XKR6: variants seen among roughly 807,000 people sequenced by gnomAD.
XKR6 encodes XK related 6.
XKR6 carries 22 observed loss-of-function variants against 56.7 expected under a neutral mutation model. The ratio of observed to expected loss-of-function variants is 0.39; its 90% CI spans 0.28 to 0.55. The LOEUF is 0.55. Among genes scored for constraint, XKR6 ranks in the 20% least tolerant of loss-of-function variants. The pLI is 0.66. For synonymous variants in XKR6, 524 were observed against 387.8 expected, an observed-to-expected ratio of 1.35 and a Z score of -4.13; for missense variants, 852 against 889.0, an observed-to-expected ratio of 0.96 and a Z score of 0.53.
chr8:11,156,858 C>A (rs1402544013), intron 1 of XKR6, among the ~76,000 whole-genome samples: 1 of 152,124 alleles, frequency 6.6e-6, no homozygotes, highest in Non-Finnish European at 1.5e-5. Context: ...TACACACACA[C>A]ACAGAGTCCT....
chr8:10,917,007 C>T (rs571964853), intron 2 of XKR6, among the ~76,000 whole-genome samples: 49 of 151,472 alleles, frequency 3.2e-4, no homozygotes, highest in African/African-American at 1.0e-3. Flanking sequence ...GTTTGTTTAA[C>T]GGAAAATCAG....
Position 11,039,976 on chromosome 8 carries a change from G to A in XKR6, c.765-115146C>T, listed in dbSNP as rs116773095. Among the ~76,000 whole-genome samples, 511 of 152,248 alleles carry A rather than the reference G, an allele frequency of 3.4e-3. 4 individuals carry two copies. The highest frequency in any genetic ancestry group is 0.012 in the African/African-American group (488 of 41,544). The stretch of plus-strand genomic sequence containing the variant: ...AGGTGCTGAATTATTTATGCCACCC[G>A]GCTGGGGTTTCCCACCTTCCAGCAA... On this transcript the variant is annotated intron_variant, in intron 1 of 2. Transcript: ENST00000416569.
intron 1 of XKR6, among the ~76,000 whole-genome samples, chr8:10,976,477 G>A (rs1380767136): frequency 2.0e-5 from 3 of 152,200 alleles, no homozygotes; most frequent in Admixed American, 6.5e-5. Flanking sequence ...AGATACGCCT[G>A]CAGGTGCCTG....
At chr8:11,058,970 T>G (rs1158075331) in intron 1 of XKR6, among the ~76,000 whole-genome samples, 2 of 152,194 alleles carry the variant, frequency 1.3e-5, no homozygotes, top group African/African-American at 4.8e-5. Context: ...GCCAGGTGGG[T>G]GGGATTATCC....
At chr8:11,179,059 T>C (rs1273101066) in intron 1 of XKR6, among the ~76,000 whole-genome samples, 2 of 145,832 alleles carry the variant, frequency 1.4e-5, no homozygotes, top group Non-Finnish European at 3.0e-5. Flanking sequence ...GGGTCTCCCA[T>C]GTTACCAGGC....
chr8:10,913,059 A>G (rs1249202483), intron 2 of XKR6, among the ~76,000 whole-genome samples: 1 of 151,218 alleles, frequency 6.6e-6, no homozygotes, highest in East Asian at 1.9e-4. Flanking sequence ...TATATAGTAT[A>G]TATCTATATA....
chr8:11,172,968 G>A (rs944740863), intron 1 of XKR6, among the ~76,000 whole-genome samples: 3 of 152,042 alleles, frequency 2.0e-5, no homozygotes, highest in Non-Finnish European at 2.9e-5. Context: ...TCTATTATCC[G>A]GTATTTAAGC....
At chr8:11,144,029 T>G (rs768312377) in intron 1 of XKR6, among the ~76,000 whole-genome samples, 3 of 151,948 alleles carry the variant, frequency 2.0e-5, no homozygotes, top group African/African-American at 7.3e-5. Context: ...TTTTAAGAAG[T>G]TGCCAGCCAG....
chr8:11,076,419 C>G (rs1239394825), intron 1 of XKR6, among the ~76,000 whole-genome samples: 1 of 152,100 alleles, frequency 6.6e-6, no homozygotes, highest in African/African-American at 2.4e-5. Flanking sequence ...TGACTTGAAT[C>G]CATATTTCCT....
At chr8:11,127,900 G>T (rs527927382) in intron 1 of XKR6, among the ~76,000 whole-genome samples, 2 of 152,164 alleles carry the variant, frequency 1.3e-5, no homozygotes, top group Non-Finnish European at 2.9e-5. Flanking sequence ...GAAGCAATAC[G>T]ATTTTATCTT....
At chr8:10,912,243 A>G (rs1010186827) in intron 2 of XKR6, among the ~76,000 whole-genome samples, 1 of 140,256 alleles carries the variant, frequency 7.1e-6, no homozygotes, top group African/African-American at 2.6e-5. Context: ...GGAGAGAGAG[A>G]GGGTGTGTGT....
At chr8:10,912,623 A>C (rs11778649) in intron 2 of XKR6, among the ~76,000 whole-genome samples, 2 of 136,012 alleles carry the variant, frequency 1.5e-5, no homozygotes, top group African/African-American at 5.6e-5. Flanking sequence ...GTGTGTGAGT[A>C]TATATATGTA....
chr8:11,160,121 C>G (rs574825338), intron 1 of XKR6, among the ~76,000 whole-genome samples: 153 of 152,244 alleles, frequency 1.0e-3, no homozygotes, highest in African/African-American at 3.7e-3. Context: ...GTCAAACAAA[C>G]TGACACACCA....
At chr8:11,190,434 G>T (rs552033965) in intron 1 of XKR6, among the ~76,000 whole-genome samples, 5 of 152,144 alleles carry the variant, frequency 3.3e-5, no homozygotes, top group Non-Finnish European at 7.3e-5. Context: ...ATATTCCTTT[G>T]TGTAATGTGG....
At chr8:11,194,252 G>A (rs1803745205) in intron 1 of XKR6, among the ~76,000 whole-genome samples, 1 of 152,136 alleles carries the variant, frequency 6.6e-6, no homozygotes, top group Non-Finnish European at 1.5e-5. Context: ...CCATTTAACT[G>A]CTTGTTTGAT....
chr8:10,924,496 G>A, intron 2 of XKR6, 138 bp downstream of exon 2: 3 of 1,008,746 alleles, frequency 3.0e-6, no homozygotes, highest in South Asian at 1.6e-5. Context: ...ACTGCACTGG[G>A]GGCCGGGCGT....
At chr8:10,999,106 C>T (rs1798182336) in intron 1 of XKR6, among the ~76,000 whole-genome samples, 2 of 152,226 alleles carry the variant, frequency 1.3e-5, no homozygotes, top group South Asian at 4.1e-4. Flanking sequence ...CTAGGTCTAG[C>T]TGCCTTATTC....
At chr8:10,906,177 G>A (rs1165613256) in intron 2 of XKR6, among the ~76,000 whole-genome samples, 4 of 152,174 alleles carry the variant, frequency 2.6e-5, no homozygotes, top group East Asian at 1.9e-4. Context: ...GTCATGTTGC[G>A]GGCTTGAAAT....
At chr8:10,955,782 G>C (rs2129128487) in intron 1 of XKR6, among the ~76,000 whole-genome samples, 1 of 152,294 alleles carries the variant, frequency 6.6e-6, no homozygotes, top group East Asian at 1.9e-4. Flanking sequence ...AGAGAAACTT[G>C]TCTGAGGCTC....
Sources: gnomAD v4.1 joint callset for allele counts (sites outside exome capture counted in the v4.1 genomes callset) on GRCh38, gnomAD v4.1.1 for gene constraint, MANE v1.5 for transcripts, NCBI Gene and HGNC (gene_info 2026-07-23, HGNC 2026-07-21) for gene names.